KIF26B: variants seen among roughly 807,000 people sequenced by gnomAD.
KIF26B encodes the protein kinesin-like protein KIF26B.
In KIF26B, 63 loss-of-function variants were observed where a neutral mutation model predicts 151.2. The ratio of observed to expected loss-of-function variants is 0.42; its 90% CI spans 0.34 to 0.51. The LOEUF (loss-of-function observed/expected upper bound fraction) is 0.51. Among genes scored for constraint, KIF26B ranks in the 20% least tolerant of loss-of-function variants. The probability of loss-of-function intolerance (pLI) is 0.07; values close to 1 mark genes in which losing one functional copy is unlikely to be tolerated. For missense variants in KIF26B, 2,813 were observed against 2,913.6 expected, an observed-to-expected ratio of 0.97 and a Z score of 0.79; for synonymous variants, 1,357 against 1,262.1, an observed-to-expected ratio of 1.08 and a Z score of -1.59.
intron 2 of KIF26B, among the ~76,000 whole-genome samples, chr1:245,257,659 C>A (rs910083359): frequency 2.6e-5 from 4 of 152,174 alleles, no homozygotes; most frequent in African/African-American, 9.7e-5. Context: ...CAAAGCCCTC[C>A]CGTGTCTAGA....
chr1:245,299,192 G>A (rs766872969), intron 2 of KIF26B, among the ~76,000 whole-genome samples: 18 of 152,136 alleles, frequency 1.2e-4, no homozygotes, highest in South Asian at 8.3e-4. Flanking sequence ...TTATTATTGC[G>A]TTGGTGCCAG....
intron 2 of KIF26B, among the ~76,000 whole-genome samples, chr1:245,308,285 G>A (rs576058757): frequency 1.3e-5 from 2 of 152,312 alleles, no homozygotes; most frequent in East Asian, 1.9e-4. Flanking sequence ...GAAGTTTGGT[G>A]ACGCCTGGAA....
chr1:245,376,198 C>T (rs1673269069), intron 3 of KIF26B, among the ~76,000 whole-genome samples: 1 of 152,096 alleles, frequency 6.6e-6, no homozygotes. Flanking sequence ...ACAGAACTGC[C>T]CCAGCAATAA....
chr1:245,520,577 C>T (rs1661073726), intron 4 of KIF26B, among the ~76,000 whole-genome samples: 1 of 69,748 alleles, frequency 1.4e-5, no homozygotes, highest in Non-Finnish European at 3.9e-5. Flanking sequence ...TTCATCCATC[C>T]ATCCATCCAT....
intron 10 of KIF26B, among the ~76,000 whole-genome samples, chr1:245,653,682 G>A (rs12735597): frequency 0.45 from 68,367 of 151,916 alleles, 16,325 homozygotes; most frequent in Middle Eastern, 0.59. Context: ...TATTGTGCTC[G>A]GTCAACATTT....
chr1:245,422,557 A>G (rs543783532), intron 4 of KIF26B, among the ~76,000 whole-genome samples: 24 of 152,326 alleles, frequency 1.6e-4, no homozygotes, highest in Admixed American at 3.9e-4. Flanking sequence ...CAGACAGTCA[A>G]CTGAGTTCAA....
Position 245,687,032 on chromosome 1 carries a change from C to T in KIF26B, c.4049C>T (p.Ser1350Phe), listed in dbSNP as rs763595184. The change falls in exon 12 of 15, where the codon TCT becomes TTT. Residue 1350 changes from serine (S) to phenylalanine (F), a missense_variant. Around this residue, in one of 3 missense-constraint regions of KIF26B, gnomAD observed 2,060 missense variants for 2,088.6 expected, o/e 0.99. Transcript: ENST00000407071. The surrounding 1 kb of genome is among the most constrained non-coding windows in gnomAD (Gnocchi z 4.9). ...LLILSEMGDDSFNKAAPIKGC... is the reference protein window; with the variant it reads ...LLILSEMGDDFFNKAAPIKGC... Reference sequence around the variant, plus strand: ...ATCCTGTCTGAGATGGGAGATGACTCTTTCAACAAAGCAGCCCCCATCAAA... The same window carrying T: ...ATCCTGTCTGAGATGGGAGATGACTTTTTCAACAAAGCAGCCCCCATCAAA... 3 of 1,613,430 alleles carry T rather than the reference C, an allele frequency of 1.9e-6. No homozygotes were observed. The highest frequency in any genetic ancestry group is 2.5e-6 in the Non-Finnish European group (3 of 1,179,790).
intron 10 of KIF26B, among the ~76,000 whole-genome samples, chr1:245,656,199 G>A (rs1309070406): frequency 2.7e-5 from 4 of 150,294 alleles, no homozygotes; most frequent in African/African-American, 7.4e-5. Context: ...GATAATATAC[G>A]CACATCAGCG....
chr1:245,159,537 T>A (rs1558328787), intron 2 of KIF26B, among the ~76,000 whole-genome samples: 2 of 152,194 alleles, frequency 1.3e-5, no homozygotes, highest in African/African-American at 4.8e-5. Context: ...GAGAAAGATA[T>A]GAGGGTTGAT....
chr1:245,511,182 A>G (rs1660826005), intron 4 of KIF26B: 1 of 595,480 alleles, frequency 1.7e-6, no homozygotes, highest in Non-Finnish European at 3.1e-6. Flanking sequence ...TTTTCTTGCT[A>G]TTTTTTTTTT....
chr1:245,288,552 C>G (rs1457203940), intron 2 of KIF26B, among the ~76,000 whole-genome samples: 2 of 152,186 alleles, frequency 1.3e-5, no homozygotes, highest in African/African-American at 2.4e-5. Flanking sequence ...GGGGGTCCAT[C>G]AGGGATGAAG....
rs76919927 is a variant in KIF26B, at chr1:245,271,159, G to T, written c.466-95675G>T. ...ATACTGTTTTGATTACAGTAGCTTT[G>T]TAAGATGTTTCGAGATCAGAAAGTG... On this transcript the variant is annotated intron_variant, in intron 2 of 14. Coordinates refer to ENST00000407071, the MANE Select transcript of KIF26B (RefSeq NM_018012.4). Among the ~76,000 whole-genome samples the T allele has an allele frequency of 5.0e-3, 760 of 152,222 alleles. 9 individuals carry two copies. Among genetic ancestry groups the T allele is most frequent in the African/African-American group, 0.017 (719 of 41,548 alleles).
At chr1:245,371,791 T>A (rs1673135056) in intron 3 of KIF26B, 1 of 151,882 alleles carries the variant, frequency 6.6e-6, no homozygotes, top group Admixed American at 6.5e-5. Flanking sequence ...CCTGTAAGCA[T>A]CACAGATAAA....
chr1:245,410,926 A>G (rs1558155144), intron 3 of KIF26B, among the ~76,000 whole-genome samples: 1 of 110,652 alleles, frequency 9.0e-6, no homozygotes, highest in Non-Finnish European at 2.1e-5. Flanking sequence ...AACTCTATGA[A>G]TTTGACTATT....
chr1:245,180,099 G>A (rs999572861), intron 2 of KIF26B, among the ~76,000 whole-genome samples: 33 of 152,238 alleles, frequency 2.2e-4, no homozygotes, highest in African/African-American at 8.0e-4. Context: ...GCTGGAGACA[G>A]GCAAGAGGCT....
Position 245,342,543 on chromosome 1 carries a change from A to G in KIF26B, c.466-24291A>G, listed in dbSNP as rs185299997. 6.8e-3 allele frequency among the ~76,000 whole-genome samples: 1,037 copies of G among 151,958 alleles called. 15 individuals are homozygous for G. The highest frequency in any genetic ancestry group is 0.022 in the African/African-American group (898 of 41,504). On this transcript the variant is annotated intron_variant, in intron 2 of 14. Transcript: ENST00000407071. ...GCTCCCTACCTTTCTTCTGAAGTCA[A>G]TTCTGGTTTTTGTTTTTGTTTTTGT... is the stretch of plus-strand genomic sequence containing the variant.
At chr1:245,415,617 C>T (rs922816821) in intron 3 of KIF26B, among the ~76,000 whole-genome samples, 12 of 152,146 alleles carry the variant, frequency 7.9e-5, no homozygotes, top group African/African-American at 2.7e-4. Context: ...GCTACAGCTG[C>T]TTCTACTGAG....
At chr1:245,198,096 A>G (rs139195409) in intron 2 of KIF26B, among the ~76,000 whole-genome samples, 2 of 152,262 alleles carry the variant, frequency 1.3e-5, no homozygotes, top group Non-Finnish European at 2.9e-5. Flanking sequence ...TTTGCAGCAG[A>G]TACTCGTTGA....
intron 2 of KIF26B, among the ~76,000 whole-genome samples, chr1:245,357,507 G>GT (rs1366267600): frequency 6.6e-6 from 1 of 152,116 alleles, no homozygotes; most frequent in African/African-American, 2.4e-5. Context: ...CAAGACTTTG[G>GT]TTTTTTTAGT....
Sources: gnomAD v4.1 joint callset for allele counts (sites outside exome capture counted in the v4.1 genomes callset) on GRCh38, gnomAD v4.1.1 for gene constraint, gnomAD v4.1.1 regional missense constraint, Gnocchi (gnomAD v3.1) non-coding constraint, MANE v1.5 for transcripts, NCBI Gene and HGNC (gene_info 2026-07-23, HGNC 2026-07-21) for gene names.